The following DLGAP2 variants were observed in gnomAD, a reference collection of about 807,000 sequenced individuals.
The protein encoded by DLGAP2 is DLG associated protein 2, also known as disks large-associated protein 2.
A neutral mutation model predicts 100.3 loss-of-function variants in DLGAP2; 26 were observed. The ratio of observed to expected loss-of-function variants is 0.26; its 90% confidence interval spans 0.19 to 0.36. DLGAP2 has a LOEUF of 0.36. Among genes scored for constraint, DLGAP2 ranks in the 10% least tolerant of loss-of-function variants. The probability of loss-of-function intolerance (pLI) is 1.00; values close to 1 mark genes in which losing one functional copy is unlikely to be tolerated. For synonymous variants in DLGAP2, 886 were observed against 630.1 expected (o/e 1.41, Z -6.08); for missense variants, 1,858 against 1,453.2 (o/e 1.28, Z -4.53).
intron 3 of DLGAP2, among the ~76,000 whole-genome samples, chr8:1,304,147 T>G (rs538358111): frequency 1.5e-4 from 23 of 152,332 alleles, no homozygotes; most frequent in African/African-American, 5.5e-4. Context: ...GTGAAGCCAC[T>G]GGAATGTTCC....
At chr8:1,679,041 G>A (rs537865526) in intron 12 of DLGAP2, 35 of 165,066 alleles carry the variant, frequency 2.1e-4, no homozygotes, top group Non-Finnish European at 3.8e-4. Flanking sequence ...AAGAGAAGTC[G>A]ATGGTAAGTA....
At chr8:831,861 G>T (rs145197102) in intron 1 of DLGAP2, among the ~76,000 whole-genome samples, 5,396 of 150,462 alleles carry the variant, frequency 0.036, 172 homozygotes, top group African/African-American at 0.071. Context: ...TTTCTCCACA[G>T]CCTCGCCCAC....
intron 3 of DLGAP2, among the ~76,000 whole-genome samples, chr8:1,267,613 T>TAAAAA (rs879495675): frequency 1.1e-4 from 10 of 93,432 alleles, no homozygotes; most frequent in African/African-American, 4.6e-4. Context: ...TAAGATAAGA[T>TAAAAA]AAGATAAGAT....
intron 2 of DLGAP2, among the ~76,000 whole-genome samples, chr8:1,150,935 A>C (rs1796686606): frequency 6.6e-6 from 1 of 152,374 alleles, no homozygotes; most frequent in African/African-American, 2.4e-5. Flanking sequence ...TGAGATAATC[A>C]TTATTATTTG....
chr8:1,514,310 A>C (rs1399911643), intron 4 of DLGAP2, among the ~76,000 whole-genome samples: 9 of 152,250 alleles, frequency 5.9e-5, no homozygotes, highest in Non-Finnish European at 2.9e-5. Flanking sequence ...GCATCCTGCG[A>C]AGCGAAGGGT....
At chr8:1,337,275 T>A (rs1455285958) in intron 3 of DLGAP2, among the ~76,000 whole-genome samples, 1 of 149,036 alleles carries the variant, frequency 6.7e-6, no homozygotes, top group Non-Finnish European at 1.5e-5. Flanking sequence ...ATGAGGATGA[T>A]GGTGGTGGTG....
chr8:1,431,413 C>T (rs556339848), intron 3 of DLGAP2, among the ~76,000 whole-genome samples: 47 of 152,362 alleles, frequency 3.1e-4, no homozygotes, highest in Non-Finnish European at 6.2e-4. Flanking sequence ...GGCGTCAGCA[C>T]TGTGTCAAGC....
chr8:1,166,364 T>A (rs1309394016), intron 2 of DLGAP2, among the ~76,000 whole-genome samples: 1 of 152,232 alleles, frequency 6.6e-6, no homozygotes, highest in African/African-American at 2.4e-5. Context: ...TCCTTGAAGA[T>A]GTAACCAGGT....
chr8:1,060,003 G>T (rs1803027765), intron 2 of DLGAP2, among the ~76,000 whole-genome samples: 1 of 152,182 alleles, frequency 6.6e-6, no homozygotes, highest in Non-Finnish European at 1.5e-5. Context: ...TTGACAGCAA[G>T]CAAGTGGTCG....
intron 8 of DLGAP2, among the ~76,000 whole-genome samples, chr8:1,651,290 A>C (rs1022312344): frequency 2.6e-5 from 4 of 152,092 alleles, no homozygotes; most frequent in African/African-American, 9.7e-5. Flanking sequence ...GCCCTTCTTC[A>C]CAGGGTGCCC....
intron 3 of DLGAP2, among the ~76,000 whole-genome samples, chr8:1,427,893 A>G (rs1452142375): frequency 1.3e-5 from 2 of 152,206 alleles, no homozygotes; most frequent in Non-Finnish European, 2.9e-5. Flanking sequence ...TCCATAATTC[A>G]TAACTTAACA....
In DLGAP2 at chr8:1,626,978, GC is replaced by G. The variant is rs1797522101; in HGVS notation, c.1590+94del. 6.2e-6 allele frequency: 9 copies of G among 1,460,908 alleles called. No individual in the cohort carries two copies. The South Asian group carries it at 1.2e-4, about 19-fold the overall frequency. The allele number at this position is 1,460,908 out of a possible 1,614,324, so 90.5% of individuals were successfully genotyped here. A position where few individuals can be genotyped will look rare whatever the true frequency, so the allele number is the denominator to read the frequency against. On this transcript the variant is annotated intron_variant, in intron 7 of 14. Coordinates refer to ENST00000637795, the MANE Select transcript of DLGAP2 (RefSeq NM_001346810.2). ...CGGCCGCATAGGTGGCGATGGCGCT[GC>G]CCTCCTGGTCAGCAGCACTTGGGCA... is the stretch of plus-strand genomic sequence containing the variant.
At chr8:995,440 ACAAT>A (rs1563133929) in intron 2 of DLGAP2, among the ~76,000 whole-genome samples, 1 of 152,244 alleles carries the variant, frequency 6.6e-6, no homozygotes, top group Non-Finnish European at 1.5e-5. Context: ...TATATTCCAC[ACAAT>A]CAAAAACCAA....
rs1248770538 is a variant in DLGAP2 at position 1,528,865 on chromosome 8, G to A, written c.173-19761G>A. Reference sequence around the variant, plus strand: ...CAAACAAATGCTTGATTTCCTAGGTGCTTCCAGGCAGAAAATAGTGATGCT... The same window carrying A: ...CAAACAAATGCTTGATTTCCTAGGTACTTCCAGGCAGAAAATAGTGATGCT... On this transcript the variant is annotated intron_variant, in intron 4 of 14. Coordinates refer to ENST00000637795, the MANE Select transcript of DLGAP2 (RefSeq NM_001346810.2). Among the ~76,000 whole-genome samples, 6 of 152,104 alleles carry A rather than the reference G, an allele frequency of 3.9e-5. No individual in the cohort carries two copies. The East Asian group carries it at 1.2e-3, about 29-fold the overall frequency.
chr8:1,150,515 T>C (rs1381006720), intron 2 of DLGAP2, among the ~76,000 whole-genome samples: 1 of 152,236 alleles, frequency 6.6e-6, no homozygotes, highest in Admixed American at 6.5e-5. Flanking sequence ...GCCAGATTTG[T>C]CTTTTATACT....
chr8:803,403 T>G (rs62488849), intron 1 of DLGAP2, among the ~76,000 whole-genome samples: 1 of 152,046 alleles, frequency 6.6e-6, no homozygotes, highest in African/African-American at 2.4e-5. Context: ...TACCTCTGCA[T>G]GTATTGTCTT....
intron 2 of DLGAP2, among the ~76,000 whole-genome samples, chr8:1,109,075 A>G (rs1804872159): frequency 9.2e-6 from 1 of 108,356 alleles, no homozygotes; most frequent in African/African-American, 3.4e-5. Flanking sequence ...TGGGTCTGTG[A>G]GGTGTGCACG....
chr8:807,098 C>G (rs1198809590), intron 1 of DLGAP2, among the ~76,000 whole-genome samples: 1 of 152,228 alleles, frequency 6.6e-6, no homozygotes, highest in Non-Finnish European at 1.5e-5. Flanking sequence ...CCACGCACTT[C>G]TGTATTTAGG....
chr8:1,255,180 CTCA>C (rs1185202660), intron 2 of DLGAP2, among the ~76,000 whole-genome samples: 16 of 111,394 alleles, frequency 1.4e-4, no homozygotes, highest in African/African-American at 2.2e-4. Context: ...TGTGTGCCCT[CTCA>C]TCCTGCCTGG....
Sources: allele counts gnomAD v4.1 joint callset (sites outside exome capture counted in the v4.1 genomes callset), GRCh38; gene constraint gnomAD v4.1.1; transcripts MANE v1.5; gene names NCBI Gene and HGNC (gene_info 2026-07-23, HGNC 2026-07-21).